The following RTN4 variants were observed in gnomAD, a reference collection of about 807,000 sequenced individuals.
The protein encoded by RTN4 is reticulon 4.
In RTN4, 32 loss-of-function variants were observed where a neutral mutation model predicts 90.4. The observed-to-expected ratio is 0.35, with a 90% CI of 0.27 to 0.48. RTN4 has a LOEUF of 0.48. Ranked by LOEUF, RTN4 falls within the 20% of genes least tolerant of loss-of-function variation. The probability of loss-of-function intolerance (pLI) is 0.99; values close to 1 mark genes in which losing one functional copy is unlikely to be tolerated. For synonymous variants in RTN4, 629 were observed against 552.5 expected (o/e 1.14, Z -1.94); for missense variants, 1,706 against 1,430.2 (o/e 1.19, Z -3.11).
chr2:55,132,263 G>A, the RTN4 span, among the ~76,000 whole-genome samples: 2 of 152,192 alleles, frequency 1.3e-5, no homozygotes, highest in Non-Finnish European at 2.9e-5. Flanking sequence ...AGCACTTTGG[G>A]AGGCTGAGGC....
chr2:55,053,186 T>C (rs1434225793), upstream of RTN4, among the ~76,000 whole-genome samples: 1 of 152,192 alleles, frequency 6.6e-6, no homozygotes, highest in African/African-American at 2.4e-5. Flanking sequence ...CCAGCTTTCA[T>C]AGAATGATCA....
intron 2 of RTN4, among the ~76,000 whole-genome samples, chr2:55,063,676 T>A (rs998908799): frequency 6.6e-6 from 1 of 151,662 alleles, no homozygotes; most frequent in African/African-American, 2.4e-5. Flanking sequence ...AGGTCAGCAG[T>A]TCCCGACCAG....
chr2:55,036,610 A>AG (rs1682705479), intron 1 of RTN4, among the ~76,000 whole-genome samples: 1 of 130,210 alleles, frequency 7.7e-6, no homozygotes, highest in African/African-American at 2.5e-5. Flanking sequence ...AAAAAAAAAA[A>AG]AAAAAAAAAA....
chr2:55,016,549 A>C (rs13023202), intron 3 of RTN4, among the ~76,000 whole-genome samples: 12,317 of 152,176 alleles, frequency 0.081, 669 homozygotes, highest in South Asian at 0.17. Context: ...CGCCACTGCT[A>C]CTCCAGCCTG....
chr2:55,104,719 C>A (rs1435440036), intron 1 of RTN4, among the ~76,000 whole-genome samples: 3 of 151,938 alleles, frequency 2.0e-5, no homozygotes, highest in Non-Finnish European at 4.4e-5. Context: ...TCTTGCTGAG[C>A]ATTGGGAAAT....
At chr2:55,042,038 G>A (rs1683110535) in intron 1 of RTN4, among the ~76,000 whole-genome samples, 2 of 151,906 alleles carry the variant, frequency 1.3e-5, no homozygotes, top group South Asian at 2.1e-4. Context: ...AAAAGAATAG[G>A]CAAAAGCTGT....
intron 1 of RTN4, among the ~76,000 whole-genome samples, chr2:55,089,550 T>C (rs928833992): frequency 2.0e-5 from 3 of 152,226 alleles, no homozygotes; most frequent in African/African-American, 7.2e-5. Flanking sequence ...TACGGAAAAA[T>C]CTGTCTCCTT....
chr2:54,996,067 T>C (rs936046299), intron 3 of RTN4, among the ~76,000 whole-genome samples: 2 of 152,210 alleles, frequency 1.3e-5, no homozygotes, highest in Admixed American at 6.5e-5. Flanking sequence ...TTCTATACAC[T>C]AGCAATAAAC....
intron 1 of RTN4, among the ~76,000 whole-genome samples, chr2:55,106,620 A>G (rs1291936935): frequency 6.6e-6 from 1 of 152,002 alleles, no homozygotes; most frequent in Non-Finnish European, 1.5e-5. Context: ...CCTGGGTTCA[A>G]GTGATTCTCC....
intron 3 of RTN4, among the ~76,000 whole-genome samples, chr2:55,019,769 A>G (rs976522255): frequency 3.3e-5 from 5 of 152,186 alleles, no homozygotes; most frequent in African/African-American, 1.2e-4. Context: ...ATTAGAAAAG[A>G]GGAAGTCACA....
rs201513834 is a variant in RTN4, at chr2:55,026,555, G to A, written c.1544C>T (p.Ser515Leu). ...CTGTGCTGCTACAAGAAAAGGGTTT[G>A]ATGTTTTGGTGCTAGTATTCTTCTC... The part of the protein sequence containing the change: ...VTEKNTSTKT[S>L]NPFLVAAQDS... The change falls in exon 3 of 9, where the codon TCA becomes TTA. Residue 515 changes from serine to leucine, a missense_variant. Ser to Leu is a moderately radical substitution (Grantham distance 145). Coordinates refer to ENST00000337526, the MANE Select transcript of RTN4 (RefSeq NM_020532.5). 1.2e-6 allele frequency: 2 copies of A among 1,613,352 alleles called. No individual in the cohort carries two copies. Among genetic ancestry groups the A allele is most frequent in the East Asian group, 2.2e-5 (1 of 44,872 alleles).
Position 55,088,252 on chromosome 2 carries a change from T to C in RTN4, c.-213-7613A>G, listed in dbSNP as rs145854503. Among the ~76,000 whole-genome samples the C allele has an allele frequency of 2.6e-4, 39 of 152,372 alleles. No homozygotes were observed. The East Asian group carries it at 7.3e-3, about 29-fold the overall frequency. Reference sequence around the variant, plus strand: ...TCAGAGGAAACTCAGTGAGTATTCATGGACGTAGGGAAGGAAGGAAAAGTG... The same window carrying C: ...TCAGAGGAAACTCAGTGAGTATTCACGGACGTAGGGAAGGAAGGAAAAGTG... On this transcript the variant is annotated intron_variant, in intron 1 of 3. Transcript: ENST00000427710.
the RTN4 span, among the ~76,000 whole-genome samples, chr2:55,127,246 G>T: frequency 6.6e-6 from 1 of 152,146 alleles, no homozygotes; most frequent in Non-Finnish European, 1.5e-5. Flanking sequence ...GCCCCAAGAG[G>T]TGTTCCGCTG....
chr2:55,093,238 G>A (rs1476713644), intron 1 of RTN4, among the ~76,000 whole-genome samples: 2 of 152,056 alleles, frequency 1.3e-5, no homozygotes, highest in Non-Finnish European at 2.9e-5. Flanking sequence ...TAAGTGCCTA[G>A]TTCAACAGTT....
In RTN4 at chr2:55,011,834, A is replaced by G. The variant is rs534819633; in HGVS notation, c.3013+13252T>C. The stretch of plus-strand genomic sequence containing the variant: ...CTAACTCCAAACATAAATAAAGAAA[A>G]GTAATTTTTAAAAGAGCCCAGTATT... On this transcript the variant is annotated intron_variant, in intron 3 of 8. Coordinates refer to ENST00000337526, the MANE Select transcript of RTN4 (RefSeq NM_020532.5). Among the ~76,000 whole-genome samples, 6 of 152,326 alleles carry G rather than the reference A, an allele frequency of 3.9e-5. No individual in the cohort carries two copies. The East Asian group carries it at 1.2e-3, about 29-fold the overall frequency.
chr2:54,981,763 T>G lies in RTN4; in HGVS notation c.3360+752A>C, dbSNP rs147657512. On this transcript the variant is annotated intron_variant, in intron 5 of 8. Transcript: ENST00000337526. ...GATTAGTTGAAGTGTTTCAGAATAT[T>G]AAATCTTATCTAGAATAAGAAAGAG... 1.3e-4 allele frequency among the ~76,000 whole-genome samples: 20 copies of G among 152,234 alleles called. No homozygotes were observed. In the East Asian group the frequency reaches 3.3e-3, roughly 25 times the overall value.
At chr2:55,036,232 C>G (rs1468049362) in intron 1 of RTN4, among the ~76,000 whole-genome samples, 1 of 152,036 alleles carries the variant, frequency 6.6e-6, no homozygotes, top group Non-Finnish European at 1.5e-5. Flanking sequence ...CAGATTGAAT[C>G]CAGCAACTCA....
chr2:55,002,231 T>C (rs549805843), intron 3 of RTN4, among the ~76,000 whole-genome samples: 18 of 152,094 alleles, frequency 1.2e-4, no homozygotes, highest in African/African-American at 4.1e-4. Context: ...GCTAATTTTT[T>C]AAAATTTTGT....
intron 4 of RTN4, among the ~76,000 whole-genome samples, chr2:54,983,394 T>G (rs1161312613): frequency 6.6e-6 from 1 of 152,110 alleles, no homozygotes; most frequent in East Asian, 1.9e-4. Flanking sequence ...CACAGGAATG[T>G]AAGAAACAGT....
Sources: gnomAD v4.1 joint callset for allele counts (sites outside exome capture counted in the v4.1 genomes callset) on GRCh38, gnomAD v4.1.1 for gene constraint, MANE v1.5 for transcripts, NCBI Gene and HGNC (gene_info 2026-07-23, HGNC 2026-07-21) for gene names.